Variants in LRP1B observed in about 807,000 individuals in gnomAD.
LRP1B encodes the protein low-density lipoprotein receptor-related protein 1B.
Under a neutral mutation model 556.6 loss-of-function variants are expected in LRP1B, and 217 were observed. The ratio of observed to expected loss-of-function variants is 0.39; its 90% CI spans 0.35 to 0.44. The LOEUF (loss-of-function observed/expected upper bound fraction) is 0.44. Among genes scored for constraint, LRP1B ranks in the 20% least tolerant of loss-of-function variants. The pLI is 1.00. For missense variants in LRP1B, 5,053 were observed against 5,620.8 expected, an observed-to-expected ratio of 0.90 and a Z score of 3.23; for synonymous variants, 2,047 against 1,865.8, an observed-to-expected ratio of 1.10 and a Z score of -2.50.
At chr2:141,072,814 T>G (rs1699683002) in intron 7 of LRP1B, among the ~76,000 whole-genome samples, 1 of 152,088 alleles carries the variant, frequency 6.6e-6, no homozygotes, top group Non-Finnish European at 1.5e-5. Flanking sequence ...GGCAAATCCT[T>G]TGTTTTCTTA....
intron 85 of LRP1B, among the ~76,000 whole-genome samples, chr2:140,270,605 T>G (rs918255130): frequency 2.0e-4 from 30 of 151,944 alleles, no homozygotes; most frequent in Admixed American, 4.6e-4. Flanking sequence ...CAGCTAGATA[T>G]ATGTGTGAAA....
intron 63 of LRP1B, among the ~76,000 whole-genome samples, chr2:140,448,831 G>A (rs1318495069): frequency 6.6e-6 from 1 of 152,072 alleles, no homozygotes; most frequent in East Asian, 1.9e-4. Context: ...ATTCCACAAT[G>A]TATACATATA....
chr2:140,262,816 T>A (rs1472302492), intron 86 of LRP1B, among the ~76,000 whole-genome samples: 1 of 152,150 alleles, frequency 6.6e-6, no homozygotes, highest in East Asian at 1.9e-4. Context: ...CATTTCAATA[T>A]CTCCCTAGTC....
intron 2 of LRP1B, among the ~76,000 whole-genome samples, chr2:141,485,165 A>C (rs887289028): frequency 7.9e-5 from 12 of 152,132 alleles, no homozygotes; most frequent in African/African-American, 2.9e-4. Context: ...CTAAAGAGTT[A>C]GTTGGTTTCT....
chr2:140,650,555 GC>G (rs1684647434), intron 41 of LRP1B, among the ~76,000 whole-genome samples: 1 of 151,914 alleles, frequency 6.6e-6, no homozygotes, highest in Non-Finnish European at 1.5e-5. Flanking sequence ...CACCATGTTG[GC>G]CAGGTTGGTC....
chr2:141,634,379 T>C (rs141827028), intron 2 of LRP1B, among the ~76,000 whole-genome samples: 26 of 152,114 alleles, frequency 1.7e-4, no homozygotes, highest in African/African-American at 6.0e-4. Context: ...TATACTATTT[T>C]ATAGAAATTA....
intron 35 of LRP1B, among the ~76,000 whole-genome samples, chr2:140,726,115 C>A (rs1479663833): frequency 6.6e-6 from 1 of 152,068 alleles, no homozygotes; most frequent in East Asian, 1.9e-4. Flanking sequence ...TTTAACAGGG[C>A]CAATAATCTT....
chr2:140,383,054 A>G lies in LRP1B; in HGVS notation c.10531+2839T>C, dbSNP rs140412807. Among the ~76,000 whole-genome samples, 35 of 152,318 alleles carry G rather than the reference A, an allele frequency of 2.3e-4. 3 individuals are homozygous for G. Among genetic ancestry groups the G allele is most frequent in the African/African-American group, 6.7e-4 (28 of 41,586 alleles). On this transcript the variant is annotated intron_variant, in intron 67 of 90. Coordinates refer to ENST00000389484, the MANE Select transcript of LRP1B (RefSeq NM_018557.3). ...GTACCATCTATGTTTGTGTAAGTAC[A>G]CTTGATGTCGTTCACACAATGACAA...
chr2:141,786,379 A>T (rs1297550999), intron 2 of LRP1B, among the ~76,000 whole-genome samples: 1 of 151,892 alleles, frequency 6.6e-6, no homozygotes, highest in African/African-American at 2.4e-5. Context: ...TAAGAACCAG[A>T]TATATTCTGT....
chr2:141,621,607 T>C (rs1266174682), intron 2 of LRP1B, among the ~76,000 whole-genome samples: 1 of 152,194 alleles, frequency 6.6e-6, no homozygotes, highest in Non-Finnish European at 1.5e-5. Context: ...TTGATACATC[T>C]CAGTATTTTC....
In LRP1B at chr2:140,541,951, T is replaced by G. The variant is rs1190401133; in HGVS notation, c.7215A>C (p.Pro2405=). 6.2e-7 allele frequency: 1 copy of G among 1,604,722 alleles called. No homozygotes were observed. The highest frequency in any genetic ancestry group is 1.1e-5 in the South Asian group (1 of 89,528). Reference sequence around the variant, plus strand: ...AAACAGCCAAACTGAGGAAAGTCCCTGGCCCAGATTTAACTATCACCTGAA... The same window carrying G: ...AAACAGCCAAACTGAGGAAAGTCCCGGGCCCAGATTTAACTATCACCTGAA... The part of the protein sequence containing the change: ...SQRHVIVKSG[P]GTFLSLAVYD... The change falls in exon 44 of 91, where the codon CCA becomes CCC. Residue 2405 remains proline, a synonymous_variant. Coordinates refer to ENST00000389484, the MANE Select transcript of LRP1B (RefSeq NM_018557.3).
intron 82 of LRP1B, among the ~76,000 whole-genome samples, chr2:140,316,825 G>A (rs1218123244): frequency 6.6e-6 from 1 of 152,110 alleles, no homozygotes; most frequent in Non-Finnish European, 1.5e-5. Flanking sequence ...ATACACAAAT[G>A]AAAATTTGAC....
intron 2 of LRP1B, among the ~76,000 whole-genome samples, chr2:141,591,361 TTG>T (rs1382905026): frequency 6.7e-5 from 4 of 59,410 alleles, no homozygotes; most frequent in Non-Finnish European, 1.1e-4. Flanking sequence ...TGTTGTTTGT[TTG>T]TTTTTTTTTT....
At chr2:141,663,217 G>C (rs1345922915) in intron 2 of LRP1B, among the ~76,000 whole-genome samples, 1 of 152,030 alleles carries the variant, frequency 6.6e-6, no homozygotes, top group Non-Finnish European at 1.5e-5. Flanking sequence ...TGGCATTAAT[G>C]CCCCCATCAA....
chr2:140,564,641 A>G lies in LRP1B; in HGVS notation c.7195-22670T>C, dbSNP rs145047481. ...TTCCAAAATGATTAACCTTGACAGCATAAAAATGGAAACTCTCTTATTCCA... is the reference window on the plus strand; with the variant it reads ...TTCCAAAATGATTAACCTTGACAGCGTAAAAATGGAAACTCTCTTATTCCA... On this transcript the variant is annotated intron_variant, in intron 43 of 90. Coordinates refer to ENST00000389484, the MANE Select transcript of LRP1B (RefSeq NM_018557.3). 2.9e-3 allele frequency among the ~76,000 whole-genome samples: 434 copies of G among 152,230 alleles called. 3 individuals are homozygous for G. Among genetic ancestry groups the G allele is most frequent in the Admixed American group, 5.3e-3 (81 of 15,292 alleles).
intron 1 of LRP1B, among the ~76,000 whole-genome samples, chr2:142,001,192 C>T (rs998880094): frequency 3.3e-5 from 5 of 152,092 alleles, no homozygotes; most frequent in African/African-American, 1.2e-4. Flanking sequence ...ATTACCCAGT[C>T]TGGGGTATGT....
rs562405325 is a variant in LRP1B, at chr2:141,612,631, T to C, written c.206-132098A>G. On this transcript the variant is annotated intron_variant, in intron 2 of 90. Coordinates refer to ENST00000389484, the MANE Select transcript of LRP1B (RefSeq NM_018557.3). ...AAAGTTACCAGAGGCTTCACGGTAA[T>C]GTGTGATATGTAAAAGAAAGAGTGT... 8.5e-5 allele frequency among the ~76,000 whole-genome samples: 13 copies of C among 152,316 alleles called. No individual in the cohort carries two copies. In the East Asian group the frequency reaches 2.3e-3, roughly 27 times the overall value.
chr2:142,018,218 C>T (rs530476430), intron 1 of LRP1B, among the ~76,000 whole-genome samples: 1 of 152,226 alleles, frequency 6.6e-6, no homozygotes, highest in Admixed American at 6.5e-5. Context: ...ACATTATTGT[C>T]ATCATTCTTC....
intron 2 of LRP1B, among the ~76,000 whole-genome samples, chr2:141,639,308 A>ATAT (rs1442569010): frequency 1.8e-4 from 1 of 5,576 alleles, no homozygotes; most frequent in African/African-American, 8.1e-4. Context: ...ATGTGTGTAT[A>ATAT]TATATATATA....
Sources: gnomAD v4.1 joint callset for allele counts (sites outside exome capture counted in the v4.1 genomes callset) on GRCh38, gnomAD v4.1.1 for gene constraint, MANE v1.5 for transcripts, NCBI Gene and HGNC (gene_info 2026-07-23, HGNC 2026-07-21) for gene names.